Variants in BCAM observed in about 807,000 individuals in gnomAD.
BCAM encodes basal cell adhesion molecule.
A neutral mutation model predicts 72.4 loss-of-function variants in BCAM; 61 were observed. That is an observed-to-expected ratio of 0.84 (90% CI 0.69 to 1.04). The LOEUF (loss-of-function observed/expected upper bound fraction) is 1.04, where lower values mean the gene tolerates loss of function less well. BCAM is among the 50% of genes least tolerant of loss of function. The pLI is 0.00. For missense variants in BCAM, 909 were observed against 895.0 expected, an observed-to-expected ratio of 1.02 and a Z score of -0.20; for synonymous variants, 408 against 384.2, an observed-to-expected ratio of 1.06 and a Z score of -0.73.
chr19:44,809,774 G>GAACA (rs1968393136), intron 1 of BCAM, among the ~76,000 whole-genome samples: 1 of 148,306 alleles, frequency 6.7e-6, no homozygotes, highest in South Asian at 2.1e-4. Flanking sequence ...AGTGACAGTG[G>GAACA]AACAAAGTGT....
chr19:44,819,075 A>G lies in BCAM; in HGVS notation c.1356A>G (p.Thr452=). Reference sequence around the variant, plus strand: ...CCACAGGCTCGCCAGAGCTAAAGACAGCGGAAATAGAGCCCAAGGCAGATG... The same window carrying G: ...CCACAGGCTCGCCAGAGCTAAAGACGGCGGAAATAGAGCCCAAGGCAGATG... ...LLVQGSPELK[T]AEIEPKADGS... Residue 452 remains threonine (T), a synonymous_variant, in exon 11 of 15, where the codon ACA becomes ACG. Transcript: ENST00000270233. The G allele has an allele frequency of 6.2e-7, 1 of 1,613,970 alleles. No homozygotes were observed. Among genetic ancestry groups the G allele is most frequent in the Non-Finnish European group, 8.5e-7 (1 of 1,179,968 alleles).
chr19:44,810,085 A>G (rs1006520661), intron 1 of BCAM, among the ~76,000 whole-genome samples: 3 of 152,094 alleles, frequency 2.0e-5, no homozygotes, highest in Admixed American at 1.3e-4. Flanking sequence ...GTGGGTCCCC[A>G]GGGGTAGGGC....
chr19:44,820,646 C>T (rs1968572099), intron 13 of BCAM, 59 bp from the exon 14 acceptor site: 20 of 1,368,284 alleles, frequency 1.5e-5, no homozygotes, highest in Admixed American at 3.3e-5. Flanking sequence ...TCCTCAGTTC[C>T]TCCCCCTGCC....
intron 1 of BCAM, among the ~76,000 whole-genome samples, chr19:44,809,672 A>C (rs371901281): frequency 6.6e-6 from 1 of 152,274 alleles, no homozygotes; most frequent in African/African-American, 2.4e-5. Context: ...ATGTGTCCCC[A>C]CACCAGCGAT....
Position 44,818,565 on chromosome 19 carries a change from A to T in BCAM, c.1122A>T (p.Leu374Phe), listed in dbSNP as rs141978868. ...LELSEGKVLS[L>F]PLNSSAVVNC... ...TCAGCGAGGGGAAGGTGCTTTCCTT[A>T]CCTCTAAACAGCAGTGCAGTCGTGA... Residue 374 changes from leucine (L) to phenylalanine (F), a missense_variant, in exon 9 of 15, where the codon TTA becomes TTT. Transcript: ENST00000270233. The surrounding 1 kb of genome is among the most constrained non-coding windows in gnomAD (Gnocchi z 4.6). 8 of 1,613,806 alleles carry T rather than the reference A, an allele frequency of 5.0e-6. No homozygotes were observed. The highest frequency in any genetic ancestry group is 6.8e-6 in the Non-Finnish European group (8 of 1,179,902).
rs748969175 is a variant in BCAM at position 44,820,923 on chromosome 19, C to A, written c.*2C>A. 1.3e-5 allele frequency: 21 copies of A among 1,561,692 alleles called. No homozygotes were observed. In the African/African-American group the frequency reaches 2.6e-4, roughly 19 times the overall value. On this transcript the variant is annotated 3_prime_UTR_variant, in exon 15 of 15. Transcript: ENST00000270233. ...TCTCCATCCGCTCCCCAGTGCTGAG[C>A]CAAGAACCTCCTAGAGGCTGTCCCT...
chr19:44,812,583 G>A lies in BCAM; in HGVS notation c.504+35G>A, dbSNP rs762556707. 4 of 1,611,174 alleles carry A rather than the reference G, an allele frequency of 2.5e-6. No homozygotes were observed. In the Admixed American group the frequency reaches 5.0e-5, roughly 20 times the overall value. On this transcript the variant is annotated intron_variant, in intron 4 of 14. Coordinates refer to ENST00000270233, the MANE Select transcript of BCAM (RefSeq NM_005581.5). The surrounding 1 kb of genome is among the most constrained non-coding windows in gnomAD (Gnocchi z 5.3). ...GGGTGGACCTTGGCCCCAGGGTCCT[G>A]GAGGAGGAGGGGACAGGGCCCTGGA...
At position 44,814,905 on chromosome 19, in the gene BCAM, G is replaced by GTTTTTTTT; in HGVS notation, c.1078+147_1078+148insTTTTTTTT. ...TCTGCATTTCTTGGGGGTTTTTTTG[G>GTTTTTTTT]TTGTTTTTTTTTTTTTTTTTTTCCC... On this transcript the variant is annotated intron_variant, in intron 8 of 14. Coordinates refer to ENST00000270233, the MANE Select transcript of BCAM (RefSeq NM_005581.5). The surrounding 1 kb of genome is among the most constrained non-coding windows in gnomAD (Gnocchi z 4.6). 1 of 826,990 alleles carries GTTTTTTTT rather than the reference G, an allele frequency of 1.2e-6. No individual in the cohort carries two copies. Among genetic ancestry groups the GTTTTTTTT allele is most frequent in the Non-Finnish European group, 1.6e-6 (1 of 611,432 alleles). The allele number at this position is 826,990 out of a possible 1,614,324, so 51.2% of individuals were successfully genotyped here. A position where few individuals can be genotyped will look rare whatever the true frequency, so the allele number is the denominator to read the frequency against.
In BCAM at chr19:44,814,387, C is replaced by T. The variant is rs890132275; in HGVS notation, c.921+99C>T. 12 of 1,491,852 alleles carry T rather than the reference C, an allele frequency of 8.0e-6. No homozygotes were observed. Among genetic ancestry groups the T allele is most frequent in the South Asian group, 2.7e-5 (2 of 75,446 alleles). The allele number at this position is 1,491,852 out of a possible 1,614,324, so 92.4% of individuals were successfully genotyped here. A position where few individuals can be genotyped will look rare whatever the true frequency, so the allele number is the denominator to read the frequency against. ...TTCTAATGTGGGACCTGGGAGTCCC[C>T]ATGGCTTAGGCAGCCACCTGATCTG... On this transcript the variant is annotated intron_variant, in intron 7 of 14. Coordinates refer to ENST00000270233, the MANE Select transcript of BCAM (RefSeq NM_005581.5). This position sits in a 1 kb window ranked among gnomAD's most constrained non-coding sequence, Gnocchi z 4.6.
intron 8 of BCAM, among the ~76,000 whole-genome samples, chr19:44,816,888 G>C (rs1267762343): frequency 6.6e-6 from 1 of 151,856 alleles, no homozygotes; most frequent in East Asian, 1.9e-4. Flanking sequence ...GCAGTGAGCT[G>C]AGATCGTGCC....
Position 44,813,719 on chromosome 19 carries a change from C to A in BCAM, c.784+99C>A. On this transcript the variant is annotated intron_variant, in intron 6 of 14. Transcript: ENST00000270233. The surrounding 1 kb of genome is among the most constrained non-coding windows in gnomAD (Gnocchi z 4.2). ...CTTCACACTCCCCTCTGACCCTCTG[C>A]CTCCCTACTTCATGCTAAAAAAAAA... The A allele has an allele frequency of 6.9e-7, 1 of 1,453,496 alleles. No individual in the cohort carries two copies. Among genetic ancestry groups the A allele is most frequent in the Non-Finnish European group, 9.2e-7 (1 of 1,082,576 alleles). 90.0% of individuals were successfully genotyped at this position (1,453,496 alleles called of 1,614,324 possible). A position where few individuals can be genotyped will look rare whatever the true frequency, so the allele number is the denominator to read the frequency against.
Position 44,814,998 on chromosome 19 carries a change from C to T in BCAM, c.1078+238C>T, listed in dbSNP as rs546410428. ...CCTCATGCGATCCTCCTGCCTTGCTCTCCCAAAGTGCTGGGATTACAGGAG... is the reference window on the plus strand; with the variant it reads ...CCTCATGCGATCCTCCTGCCTTGCTTTCCCAAAGTGCTGGGATTACAGGAG... On this transcript the variant is annotated intron_variant, in intron 8 of 14. Transcript: ENST00000270233. This position sits in a 1 kb window ranked among gnomAD's most constrained non-coding sequence, Gnocchi z 4.6. Among the ~76,000 whole-genome samples, 1 of 150,720 alleles carries T rather than the reference C, an allele frequency of 6.6e-6. No individual in the cohort carries two copies. The highest frequency in any genetic ancestry group is 2.4e-5 in the African/African-American group (1 of 41,068).
In BCAM at chr19:44,809,207, G is replaced by GT; in HGVS notation, c.82+2dup. The stretch of plus-strand genomic sequence containing the variant: ...GCAGTCCTGCTGGCGGCGCACCCAG[G>GT]TATGGCTCGGGCTGAGGGCAAGGTG... On this transcript the variant is annotated splice_donor_variant, in intron 1 of 14. Transcript: ENST00000270233. LOFTEE classifies it high-confidence loss of function. 2.0e-6 allele frequency: 3 copies of GT among 1,468,746 alleles called. No homozygotes were observed. The highest frequency in any genetic ancestry group is 2.7e-6 in the Non-Finnish European group (3 of 1,111,216). The allele number at this position is 1,468,746 out of a possible 1,614,324, so 91.0% of individuals were successfully genotyped here. A position where few individuals can be genotyped will look rare whatever the true frequency, so the allele number is the denominator to read the frequency against.
In BCAM at chr19:44,821,044, C is replaced by A; in HGVS notation, c.*123C>A. 3.1e-6 allele frequency: 4 copies of A among 1,281,736 alleles called. No homozygotes were observed. Among genetic ancestry groups the A allele is most frequent in the Non-Finnish European group, 4.1e-6 (4 of 986,052 alleles). 79.4% of individuals were successfully genotyped at this position (1,281,736 alleles called of 1,614,324 possible). A position where few individuals can be genotyped will look rare whatever the true frequency, so the allele number is the denominator to read the frequency against. The stretch of plus-strand genomic sequence containing the variant: ...CTCTTCCCTCTCCCTGCCCAGCCCT[C>A]CCTTCCTTCCTCTGCCGGCAAGGCA... On this transcript the variant is annotated 3_prime_UTR_variant, in exon 15 of 15. Coordinates refer to ENST00000270233, the MANE Select transcript of BCAM (RefSeq NM_005581.5).
intron 13 of BCAM, chr19:44,820,447 T>A: frequency 8.1e-7 from 1 of 1,228,498 alleles, no homozygotes; most frequent in East Asian, 3.4e-5. Flanking sequence ...TCCGTAACCA[T>A]CCCAGACCGA....
intron 8 of BCAM, among the ~76,000 whole-genome samples, chr19:44,815,040 G>A (rs1226387700): frequency 6.6e-6 from 1 of 150,970 alleles, no homozygotes; most frequent in Non-Finnish European, 1.5e-5. Context: ...ACCGCATCTT[G>A]TCGAGAGCTC....
chr19:44,809,073 C>A (rs1016619059), upstream of BCAM: 8 of 1,292,032 alleles, frequency 6.2e-6, no homozygotes, highest in Non-Finnish European at 7.9e-6. Context: ...GGCTCCCAGC[C>A]CCGCAGCGGC....
Position 44,818,841 on chromosome 19 carries a change from C to G in BCAM, c.1295C>G (p.Pro432Arg), listed in dbSNP as rs142196330. 7 of 1,614,106 alleles carry G rather than the reference C, an allele frequency of 4.3e-6. No individual in the cohort carries two copies. The highest frequency in any genetic ancestry group is 5.1e-6 in the Non-Finnish European group (6 of 1,179,998). ...YVCEASLPTVPVLSRTQNFTL... is the reference protein window; with the variant it reads ...YVCEASLPTVRVLSRTQNFTL... ...TGTGAGGCCTCCCTGCCCACAGTCC[C>G]GGTCCTCAGCCGCACCCAGAACTTC... The change falls in exon 10 of 15, where the codon CCG (proline) becomes CGG (arginine). Residue 432 changes from proline to arginine, a missense_variant. Pro to Arg is a moderately radical substitution (Grantham distance 103, BLOSUM62 -2). Transcript: ENST00000270233. The surrounding 1 kb of genome is among the most constrained non-coding windows in gnomAD (Gnocchi z 4.6).
rs1242571927 is a variant in BCAM, at chr19:44,812,744, G to A, written c.504+196G>A. ...GCAGGCGGATCACCTGAGGTCAGGA[G>A]TTCCAGACCAGCCTGGCCAACATAA... On this transcript the variant is annotated intron_variant, in intron 4 of 14. Coordinates refer to ENST00000270233, the MANE Select transcript of BCAM (RefSeq NM_005581.5). This position sits in a 1 kb window ranked among gnomAD's most constrained non-coding sequence, Gnocchi z 5.3. 4.9e-6 allele frequency: 3 copies of A among 610,786 alleles called. No individual in the cohort carries two copies. The highest frequency in any genetic ancestry group is 8.5e-6 in the Non-Finnish European group (3 of 352,314). The allele number at this position is 610,786 out of a possible 1,614,324, so 37.8% of individuals were successfully genotyped here. A position where few individuals can be genotyped will look rare whatever the true frequency, so the allele number is the denominator to read the frequency against.
Sources: allele counts gnomAD v4.1 joint callset (sites outside exome capture counted in the v4.1 genomes callset), GRCh38; gene constraint gnomAD v4.1.1; non-coding constraint Gnocchi (gnomAD v3.1); transcripts MANE v1.5; gene names NCBI Gene and HGNC (gene_info 2026-07-23, HGNC 2026-07-21).